Variants in SMOC2 observed in about 807,000 individuals in gnomAD.
SMOC2 encodes the protein SPARC related modular calcium binding 2.
Under a neutral mutation model 61.4 loss-of-function variants are expected in SMOC2, and 39 were observed. The observed-to-expected ratio is 0.64, with a 90% CI of 0.49 to 0.83. The LOEUF (loss-of-function observed/expected upper bound fraction) is 0.83, where lower values mean the gene tolerates loss of function less well. SMOC2 is among the 40% of genes least tolerant of loss of function. SMOC2 has a pLI of 0.00. For synonymous variants in SMOC2, 247 were observed against 239.9 expected, an observed-to-expected ratio of 1.03 and a Z score of -0.27; for missense variants, 556 against 592.9, an observed-to-expected ratio of 0.94 and a Z score of 0.65.
At position 168,553,957 on chromosome 6, in the gene SMOC2, A is replaced by G. The variant is rs1351446066; in HGVS notation, c.637+4754A>G. On this transcript the variant is annotated intron_variant, in intron 7 of 12. Coordinates refer to ENST00000356284, the MANE Select transcript of SMOC2 (RefSeq NM_001166412.2). This position sits in a 1 kb window ranked among gnomAD's most constrained non-coding sequence, Gnocchi z 4.2. ...GCATGGTGCCCCTTCCCCACCAGGT[A>G]TCAGCGTTTTTCACGTTTTGGTAGG... 2.0e-5 allele frequency among the ~76,000 whole-genome samples: 3 copies of G among 150,904 alleles called. No homozygotes were observed. Among genetic ancestry groups the G allele is most frequent in the Non-Finnish European group, 4.4e-5 (3 of 67,978 alleles).
At chr6:168,457,882 G>A (rs539291007) in intron 1 of SMOC2, among the ~76,000 whole-genome samples, 1 of 152,146 alleles carries the variant, frequency 6.6e-6, no homozygotes, top group South Asian at 2.1e-4. Context: ...GTATTTCACG[G>A]TCATTTCAAG....
At chr6:168,595,343 G>A (rs2115179935) in intron 7 of SMOC2, among the ~76,000 whole-genome samples, 1 of 152,320 alleles carries the variant, frequency 6.6e-6, no homozygotes, top group Non-Finnish European at 1.5e-5. Context: ...AATCTCCCGT[G>A]CTGTGGTGAC....
intron 2 of SMOC2, among the ~76,000 whole-genome samples, chr6:168,510,404 T>C (rs1270401526): frequency 2.0e-5 from 3 of 152,226 alleles, no homozygotes; most frequent in Non-Finnish European, 2.9e-5. Context: ...TTTTTCTTTT[T>C]AGCAAGTGGG....
intron 8 of SMOC2, among the ~76,000 whole-genome samples, chr6:168,607,825 C>T (rs1260759603): frequency 6.6e-6 from 1 of 152,154 alleles, no homozygotes; most frequent in African/African-American, 2.4e-5. Context: ...GTGGGCGCTG[C>T]TCCATCCAAC....
chr6:168,627,168 C>T (rs1351991265), intron 9 of SMOC2, among the ~76,000 whole-genome samples: 5 of 152,168 alleles, frequency 3.3e-5, no homozygotes, highest in South Asian at 2.1e-4. Flanking sequence ...TTGGGTTAGC[C>T]GTGAGCTGAG....
At chr6:168,447,286 G>A (rs1294826890) in intron 1 of SMOC2, among the ~76,000 whole-genome samples, 2 of 152,070 alleles carry the variant, frequency 1.3e-5, no homozygotes, top group African/African-American at 2.4e-5. Context: ...GTCCAGGCTG[G>A]TCTCGAACTC....
intron 2 of SMOC2, among the ~76,000 whole-genome samples, chr6:168,524,064 C>T (rs1395717326): frequency 2.0e-5 from 3 of 151,928 alleles, no homozygotes; most frequent in African/African-American, 7.3e-5. Flanking sequence ...CATATAATGG[C>T]TTAGAGTGAT....
chr6:168,629,554 C>A (rs530835557), intron 9 of SMOC2, among the ~76,000 whole-genome samples: 102 of 152,336 alleles, frequency 6.7e-4, no homozygotes, highest in African/African-American at 2.4e-3. Context: ...TTACTGTCCG[C>A]AAATCATTTG....
chr6:168,598,339 G>T (rs1325596819), intron 7 of SMOC2, among the ~76,000 whole-genome samples: 1 of 152,208 alleles, frequency 6.6e-6, no homozygotes, highest in African/African-American at 2.4e-5. Context: ...GGAGAGAGGG[G>T]TCACACAGGG....
chr6:168,505,532 G>A (rs1782854674), intron 1 of SMOC2, among the ~76,000 whole-genome samples: 1 of 152,112 alleles, frequency 6.6e-6, no homozygotes, highest in Non-Finnish European at 1.5e-5. Context: ...TGAATGAAAT[G>A]TCCGTCTCTC....
At chr6:168,542,690 G>A (rs562221424) in intron 4 of SMOC2, among the ~76,000 whole-genome samples, 47 of 152,180 alleles carry the variant, frequency 3.1e-4, no homozygotes, top group Admixed American at 1.9e-3. Flanking sequence ...GATGGATGGC[G>A]CCTTGAAGTT....
intron 4 of SMOC2, among the ~76,000 whole-genome samples, chr6:168,527,978 A>C (rs1783495335): frequency 6.6e-6 from 1 of 152,380 alleles, no homozygotes; most frequent in Admixed American, 6.5e-5. Flanking sequence ...AAAGGAAGAT[A>C]GCCCTGCATC....
At chr6:168,634,044 C>T (rs1404191951) in intron 9 of SMOC2, among the ~76,000 whole-genome samples, 1 of 152,184 alleles carries the variant, frequency 6.6e-6, no homozygotes, top group East Asian at 1.9e-4. Flanking sequence ...CCCCTTCTGC[C>T]ATGATTGTAA....
intron 7 of SMOC2, among the ~76,000 whole-genome samples, chr6:168,583,785 A>G (rs1784980216): frequency 2.0e-5 from 3 of 152,360 alleles, no homozygotes; most frequent in Middle Eastern, 3.4e-3. Flanking sequence ...GACCTTGGCA[A>G]TACGGAGAGA....
At chr6:168,661,386 A>G (rs1008214603) in intron 11 of SMOC2, among the ~76,000 whole-genome samples, 4 of 152,094 alleles carry the variant, frequency 2.6e-5, no homozygotes, top group African/African-American at 9.7e-5. Context: ...CCGAGGCCAC[A>G]AGGTCAAAAG....
chr6:168,461,903 T>C (rs1248758572), intron 1 of SMOC2, among the ~76,000 whole-genome samples: 1 of 152,240 alleles, frequency 6.6e-6, no homozygotes, highest in Non-Finnish European at 1.5e-5. Context: ...AAGGATACGA[T>C]GTGCATCACT....
In SMOC2 at chr6:168,666,827, T is replaced by A. The variant is rs184676281; in HGVS notation, c.*389T>A. ...TGCCTGTGCTTACAGCATTGTGGAA[T>A]CATGTTGGAAGCTCCACATGTCCAT... On this transcript the variant is annotated 3_prime_UTR_variant, in exon 13 of 13. Coordinates refer to ENST00000356284, the MANE Select transcript of SMOC2 (RefSeq NM_001166412.2). The A allele has an allele frequency of 4.4e-5, 8 of 182,198 alleles. No homozygotes were observed. The Admixed American group carries it at 4.9e-4, about 11-fold the overall frequency. The allele number at this position is 182,198 out of a possible 1,614,324, so 11.3% of individuals were successfully genotyped here. A position where few individuals can be genotyped will look rare whatever the true frequency, so the allele number is the denominator to read the frequency against.
intron 9 of SMOC2, 89 bp downstream of exon 9, chr6:168,608,328 T>C: frequency 7.1e-7 from 1 of 1,404,372 alleles, no homozygotes; most frequent in Non-Finnish European, 9.8e-7. Context: ...TTTATCTGAC[T>C]CTGTTTCCCA....
intron 11 of SMOC2, chr6:168,655,311 C>G: frequency 2.3e-6 from 1 of 436,916 alleles, no homozygotes; most frequent in Non-Finnish European, 4.7e-6. Context: ...TTGCTGTGGC[C>G]CAGACCAGTT....
Sources: gnomAD v4.1 joint callset for allele counts (sites outside exome capture counted in the v4.1 genomes callset) on GRCh38, gnomAD v4.1.1 for gene constraint, Gnocchi (gnomAD v3.1) non-coding constraint, MANE v1.5 for transcripts, NCBI Gene and HGNC (gene_info 2026-07-23, HGNC 2026-07-21) for gene names.